The following GSTA5 variants were observed in gnomAD, a reference collection of about 807,000 sequenced individuals.
GSTA5 encodes the protein glutathione S-transferase alpha 5.
Under a neutral mutation model 21.8 loss-of-function variants are expected in GSTA5, and 25 were observed. That is an observed-to-expected ratio of 1.14 (90% CI 0.83 to 1.60). The LOEUF is 1.60. Among genes scored for constraint, GSTA5 ranks in the 40% most tolerant of loss-of-function variants. The pLI is 0.00. For missense variants in GSTA5, 330 were observed against 259.2 expected (o/e 1.27, Z -1.88); for synonymous variants, 102 against 89.5 (o/e 1.14, Z -0.78).
intron 3 of GSTA5, among the ~76,000 whole-genome samples, chr6:52,834,860 T>C (rs1764270457): frequency 6.6e-6 from 1 of 152,196 alleles, no homozygotes; most frequent in African/African-American, 2.4e-5. Context: ...TGCTGTTGCC[T>C]AACTCTAGCC....
chr6:52,841,853 G>A (rs1048939714), upstream of GSTA5, among the ~76,000 whole-genome samples: 15 of 152,196 alleles, frequency 9.9e-5, no homozygotes, highest in African/African-American at 3.6e-4. Context: ...AAAAACTAAA[G>A]ACTGAGTCTT....
intron 5 of GSTA5, 40 bp from the exon 6 acceptor site, chr6:52,832,010 C>G (rs764398460): frequency 6.3e-7 from 1 of 1,582,784 alleles, no homozygotes; most frequent in African/African-American, 1.4e-5. Context: ...GAAGCCAAGG[C>G]CGGCCACCAT....
At chr6:52,833,204 C>A (rs1315360567) in intron 4 of GSTA5, among the ~76,000 whole-genome samples, 1 of 152,210 alleles carries the variant, frequency 6.6e-6, no homozygotes, top group Non-Finnish European at 1.5e-5. Flanking sequence ...CTACCATTTT[C>A]TCTTCTCATC....
chr6:52,836,660 T>C (rs2397119), intron 2 of GSTA5, among the ~76,000 whole-genome samples: 149,477 of 152,258 alleles, frequency 0.98, 73,441 homozygotes, highest in South Asian at 1. Context: ...TACAGGCATG[T>C]GCCAACATAC....
At chr6:52,841,926 G>C (rs6937233), upstream of GSTA5, among the ~76,000 whole-genome samples, 1 of 151,964 alleles carries the variant, frequency 6.6e-6, no homozygotes, top group South Asian at 2.1e-4. Flanking sequence ...TGAAACCCCA[G>C]TACTTTTTAA....
At chr6:52,836,273 A>G (rs1231564621) in exon 3 of GSTA5, 10 of 1,613,714 alleles carry the variant, frequency 6.2e-6, no homozygotes, top group South Asian at 1.1e-5. Context: ...TAAAGGTTGT[A>G]TTTGCTGGCA....
upstream of GSTA5, among the ~76,000 whole-genome samples, chr6:52,842,408 T>TTTC (rs1318459724): frequency 6.7e-6 from 1 of 149,872 alleles, no homozygotes; most frequent in Non-Finnish European, 1.5e-5. Flanking sequence ...ATGTATTTCT[T>TTTC]TTTTTTTTTT....
intron 3 of GSTA5, 35 bp from the exon 4 acceptor site, chr6:52,834,317 T>G: frequency 6.3e-7 from 1 of 1,585,224 alleles, no homozygotes; most frequent in South Asian, 1.2e-5. Flanking sequence ...ATCAAATGCC[T>G]TTTGCCTTAG....
At chr6:52,832,939 C>A (rs1169825444) in exon 5 of GSTA5, 3 of 1,614,010 alleles carry the variant, frequency 1.9e-6, no homozygotes, top group Non-Finnish European at 2.5e-6. Flanking sequence ...TGAATGTCAG[C>A]CCAGCTCAGC....
At chr6:52,838,142 C>A (rs186327917) in intron 1 of GSTA5, among the ~76,000 whole-genome samples, 1 of 152,338 alleles carries the variant, frequency 6.6e-6, no homozygotes, top group Non-Finnish European at 1.5e-5. Context: ...CTATAATTTT[C>A]TCTTCTGAAG....
At chr6:52,837,946 C>G (rs1328434203) in intron 1 of GSTA5, among the ~76,000 whole-genome samples, 1 of 152,208 alleles carries the variant, frequency 6.6e-6, no homozygotes, top group Non-Finnish European at 1.5e-5. Flanking sequence ...TTAGTAAAGC[C>G]CGTGTCTCCA....
chr6:52,840,953 G>T (rs371300466), upstream of GSTA5: 17 of 703,332 alleles, frequency 2.4e-5, no homozygotes, highest in Middle Eastern at 4.1e-4. Flanking sequence ...TTCATGACTG[G>T]GTTGAAGGAG....
chr6:52,840,997 C>G (rs1208385655), upstream of GSTA5, among the ~76,000 whole-genome samples: 1 of 152,108 alleles, frequency 6.6e-6, no homozygotes, highest in Non-Finnish European at 1.5e-5. Context: ...AAATTGTTAC[C>G]CAGCAGTGGC....
chr6:52,831,902 C>G, exon 6 of GSTA5: 1 of 1,613,842 alleles, frequency 6.2e-7, no homozygotes, highest in Admixed American at 1.7e-5. Context: ...CCATGGGAGG[C>G]TTTCTCTGGC....
At chr6:52,834,333 A>G in intron 3 of GSTA5, 51 bp from the exon 4 acceptor site, 5 of 1,558,466 alleles carry the variant, frequency 3.2e-6, no homozygotes, top group South Asian at 1.2e-5. Context: ...CTTAGATTTT[A>G]TAGGTTTATA....
chr6:52,841,238 A>T (rs1764374236), upstream of GSTA5, among the ~76,000 whole-genome samples: 2 of 152,134 alleles, frequency 1.3e-5, no homozygotes, highest in Admixed American at 1.3e-4. Flanking sequence ...GTTTTCTCCA[A>T]TTTTTAGTTA....
At chr6:52,841,492 G>C (rs1402118342), upstream of GSTA5, among the ~76,000 whole-genome samples, 1 of 152,192 alleles carries the variant, frequency 6.6e-6, no homozygotes, top group Non-Finnish European at 1.5e-5. Flanking sequence ...CAGAAATTAG[G>C]CTTCAGACTT....
At chr6:52,835,930 T>G (rs1312901831) in intron 3 of GSTA5, among the ~76,000 whole-genome samples, 1 of 152,176 alleles carries the variant, frequency 6.6e-6, no homozygotes, top group East Asian at 1.9e-4. Flanking sequence ...GCCTCTGAAG[T>G]TCTGAGTACC....
At chr6:52,844,729 G>A (rs1397956272), upstream of GSTA5, among the ~76,000 whole-genome samples, 1 of 152,146 alleles carries the variant, frequency 6.6e-6, no homozygotes, top group Non-Finnish European at 1.5e-5. Context: ...TGTTGAGAAA[G>A]TTAAATGAGA....
Sources: allele counts gnomAD v4.1 joint callset (sites outside exome capture counted in the v4.1 genomes callset), GRCh38; gene constraint gnomAD v4.1.1; transcripts MANE v1.5; gene names NCBI Gene and HGNC (gene_info 2026-07-23, HGNC 2026-07-21).